HCRTR2: variants seen among roughly 807,000 people sequenced by gnomAD.
HCRTR2 encodes hypocretin receptor 2, also known as orexin receptor type 2.
Under a neutral mutation model 49.0 loss-of-function variants are expected in HCRTR2, and 22 were observed. That is an observed-to-expected ratio of 0.45 (90% confidence interval 0.32 to 0.64). The LOEUF is 0.64. HCRTR2 is among the 30% of genes least tolerant of loss of function. The probability of loss-of-function intolerance (pLI) is 0.04; values close to 1 mark genes in which losing one functional copy is unlikely to be tolerated. For synonymous variants in HCRTR2, 236 were observed against 205.3 expected (o/e 1.15, Z -1.28); for missense variants, 491 against 559.4 (o/e 0.88, Z 1.23).
At chr6:55,185,214 C>T (rs745910571) in intron 1 of HCRTR2, among the ~76,000 whole-genome samples, 1 of 151,984 alleles carries the variant, frequency 6.6e-6, no homozygotes, top group Non-Finnish European at 1.5e-5. Context: ...CAAATCTTAC[C>T]AGCTGGTTCA....
downstream of HCRTR2, chr6:55,282,701 T>G (rs1767221211): frequency 1.7e-5 from 7 of 407,396 alleles, no homozygotes; most frequent in Admixed American, 3.8e-4. Flanking sequence ...TTTAGTTTCA[T>G]GTATTAAAAT....
intron 1 of HCRTR2, among the ~76,000 whole-genome samples, chr6:55,195,985 C>A (rs1283430743): frequency 6.6e-6 from 1 of 151,652 alleles, no homozygotes; most frequent in African/African-American, 2.4e-5. Context: ...AAAACAACAA[C>A]AACAACAACA....
At chr6:55,276,394 A>G (rs1259574646) in intron 4 of HCRTR2, among the ~76,000 whole-genome samples, 1 of 152,206 alleles carries the variant, frequency 6.6e-6, no homozygotes, top group Non-Finnish European at 1.5e-5. Flanking sequence ...AAGCAACAAA[A>G]TCTATCGAAC....
At chr6:55,159,081 C>T (rs749056999) in intron 1 of HCRTR2, among the ~76,000 whole-genome samples, 2 of 152,036 alleles carry the variant, frequency 1.3e-5, no homozygotes, top group Non-Finnish European at 2.9e-5. Flanking sequence ...GGTGGGTGCC[C>T]CTCTGGGACA....
At chr6:55,132,760 T>C (rs1448619731) in intron 1 of HCRTR2, among the ~76,000 whole-genome samples, 4 of 151,264 alleles carry the variant, frequency 2.6e-5, no homozygotes, top group Admixed American at 1.3e-4. Context: ...TCTTTTTTTT[T>C]TTTTTTCGCT....
chr6:55,153,485 A>G (rs1764689313), intron 1 of HCRTR2, among the ~76,000 whole-genome samples: 1 of 152,094 alleles, frequency 6.6e-6, no homozygotes, highest in Non-Finnish European at 1.5e-5. Flanking sequence ...GAAAAAGTAC[A>G]GTAAAAATAT....
At chr6:55,206,459 T>C (rs1765602912) in intron 1 of HCRTR2, among the ~76,000 whole-genome samples, 1 of 152,076 alleles carries the variant, frequency 6.6e-6, no homozygotes, top group Non-Finnish European at 1.5e-5. Context: ...AGATGAATTA[T>C]GTAGAAAAGA....
chr6:55,131,680 A>T (rs1764356553), intron 1 of HCRTR2, among the ~76,000 whole-genome samples: 1 of 151,882 alleles, frequency 6.6e-6, no homozygotes, highest in Non-Finnish European at 1.5e-5. Flanking sequence ...TTTCATTGGA[A>T]TAAGACAATT....
chr6:55,137,475 C>T (rs956058259), intron 1 of HCRTR2, among the ~76,000 whole-genome samples: 1 of 152,048 alleles, frequency 6.6e-6, no homozygotes, highest in African/African-American at 2.4e-5. Context: ...TAAATTTTTT[C>T]CTGAGAGCAA....
intron 6 of HCRTR2, among the ~76,000 whole-genome samples, chr6:55,281,049 T>G (rs988783139): frequency 2.6e-5 from 4 of 152,220 alleles, no homozygotes; most frequent in African/African-American, 9.6e-5. Flanking sequence ...CTATTGTTTA[T>G]TCACATTTTG....
chr6:55,271,512 CA>C (rs2127326867), intron 4 of HCRTR2, among the ~76,000 whole-genome samples: 1 of 152,166 alleles, frequency 6.6e-6, no homozygotes, highest in South Asian at 2.1e-4. Context: ...CCAAAAGCAA[CA>C]AATGACAATG....
At chr6:55,187,935 C>T (rs893357419) in intron 1 of HCRTR2, among the ~76,000 whole-genome samples, 5 of 152,010 alleles carry the variant, frequency 3.3e-5, no homozygotes, top group Admixed American at 6.6e-5. Context: ...CGCCACCATG[C>T]CCGGCTAATT....
At chr6:55,243,523 T>G (rs1453444859) in intron 1 of HCRTR2, among the ~76,000 whole-genome samples, 3 of 152,172 alleles carry the variant, frequency 2.0e-5, no homozygotes, top group Non-Finnish European at 4.4e-5. Flanking sequence ...TCAAAAGAAA[T>G]GAAGAAAGTA....
chr6:55,133,800 A>G (rs1463870907), intron 1 of HCRTR2, among the ~76,000 whole-genome samples: 1 of 151,746 alleles, frequency 6.6e-6, no homozygotes, highest in African/African-American at 2.4e-5. Flanking sequence ...GTTACCTTTA[A>G]TATTTCTTTC....
chr6:55,221,926 G>A (rs1765906217), intron 1 of HCRTR2, among the ~76,000 whole-genome samples: 2 of 151,550 alleles, frequency 1.3e-5, no homozygotes, highest in South Asian at 4.1e-4. Context: ...CCAAAGAACA[G>A]GCAGTAAAAG....
intron 1 of HCRTR2, among the ~76,000 whole-genome samples, chr6:55,201,370 T>G (rs1456658914): frequency 6.6e-6 from 1 of 152,076 alleles, no homozygotes; most frequent in Non-Finnish European, 1.5e-5. Context: ...TAAGTCATGC[T>G]CATGATTCTG....
chr6:55,187,787 A>G (rs1259098513), intron 1 of HCRTR2, among the ~76,000 whole-genome samples: 2 of 138,794 alleles, frequency 1.4e-5, no homozygotes, highest in Non-Finnish European at 3.0e-5. Context: ...TGGCCTTTTC[A>G]TTCCTGAGTT....
chr6:55,119,182 T>A (rs1217930411), intron 1 of HCRTR2, among the ~76,000 whole-genome samples: 2 of 152,154 alleles, frequency 1.3e-5, no homozygotes, highest in Non-Finnish European at 2.9e-5. Context: ...TTATTCAGTC[T>A]ATCATTGATG....
At chr6:55,185,266 G>C (rs1036023114) in intron 1 of HCRTR2, among the ~76,000 whole-genome samples, 4 of 152,246 alleles carry the variant, frequency 2.6e-5, no homozygotes, top group Non-Finnish European at 5.9e-5. Context: ...ATGTGTTTGG[G>C]CTTGATTTAT....
Sources: allele counts gnomAD v4.1 joint callset (sites outside exome capture counted in the v4.1 genomes callset), GRCh38; gene constraint gnomAD v4.1.1; transcripts MANE v1.5; gene names NCBI Gene and HGNC (gene_info 2026-07-23, HGNC 2026-07-21).